The following BTBD7 variants were observed in gnomAD, a reference collection of about 807,000 sequenced individuals.
The protein encoded by BTBD7 is BTB domain containing 7.
Under a neutral mutation model 99.9 loss-of-function variants are expected in BTBD7, and 38 were observed. The observed-to-expected ratio is 0.38, with a 90% CI of 0.29 to 0.50. The LOEUF is 0.50. Among genes scored for constraint, BTBD7 ranks in the 20% least tolerant of loss-of-function variants. The pLI, the probability that BTBD7 is intolerant of heterozygous loss-of-function variation, is 0.93. For missense variants in BTBD7, 1,170 were observed against 1,394.6 expected (o/e 0.84, Z 2.57); for synonymous variants, 520 against 511.4 (o/e 1.02, Z -0.23).
chr14:93,283,165 C>T (rs1054141692), intron 3 of BTBD7, among the ~76,000 whole-genome samples: 1 of 152,182 alleles, frequency 6.6e-6, no homozygotes, highest in African/African-American at 2.4e-5. Context: ...GAAACCTCTG[C>T]CTCCTGGGCT....
intron 1 of BTBD7, among the ~76,000 whole-genome samples, chr14:93,332,616 C>G (rs2053457477): frequency 6.6e-6 from 1 of 151,678 alleles, no homozygotes; most frequent in Non-Finnish European, 1.5e-5. Context: ...CGCACAGAGA[C>G]CGGCCAGTCC....
At chr14:93,272,526 C>T (rs2052611494) in intron 3 of BTBD7, among the ~76,000 whole-genome samples, 2 of 152,334 alleles carry the variant, frequency 1.3e-5, no homozygotes, top group East Asian at 3.9e-4. Flanking sequence ...TAGAATACCA[C>T]CTTAGTTCAA....
At chr14:93,329,783 T>C (rs566165651) in intron 1 of BTBD7, among the ~76,000 whole-genome samples, 19 of 152,246 alleles carry the variant, frequency 1.2e-4, no homozygotes, top group African/African-American at 4.6e-4. Flanking sequence ...TGCCAGGGGC[T>C]GGGGGTAAGG....
At position 93,284,278 on chromosome 14, in the gene BTBD7, G is replaced by C. The variant is rs891619036; in HGVS notation, c.1162+9580C>G. 1.4e-3 allele frequency among the ~76,000 whole-genome samples: 217 copies of C among 152,210 alleles called. 1 individual carries two copies. Among genetic ancestry groups the C allele is most frequent in the African/African-American group, 4.9e-3 (205 of 41,526 alleles). ...AGTAAACAGTGAGTTGATGAGACAG[G>C]TTTTCTGACATTAAACTGTGAATTA... On this transcript the variant is annotated intron_variant, in intron 3 of 10. Transcript: ENST00000334746.
intron 1 of BTBD7, 88 bp from the exon 2 acceptor site, chr14:93,296,245 T>C (rs983991944): frequency 3.1e-6 from 3 of 968,752 alleles, no homozygotes; most frequent in Non-Finnish European, 4.1e-6. Context: ...AAAACTGCTT[T>C]CATTCACAAA....
intron 1 of BTBD7, among the ~76,000 whole-genome samples, chr14:93,299,793 A>G (rs2052971466): frequency 6.6e-6 from 1 of 152,192 alleles, no homozygotes; most frequent in South Asian, 2.1e-4. Context: ...AGAAAGCCCT[A>G]GGCCAGCATT....
intron 1 of BTBD7, among the ~76,000 whole-genome samples, chr14:93,324,660 T>C (rs1316195695): frequency 6.6e-6 from 1 of 152,192 alleles, no homozygotes. Context: ...AGGGGCCTTG[T>C]GTTCCCTTGT....
Position 93,294,631 on chromosome 14 carries a change from T to C in BTBD7, c.389A>G (p.Lys130Arg), listed in dbSNP as rs1371848153. The change falls in exon 3 of 11, where the codon AAA becomes AGA. Residue 130 changes from lysine (K) to arginine (R), a missense_variant. Transcript: ENST00000334746. ...GTACTCATAAAGATCAGCCATATCT[T>C]TCTGCAATGTCCGGGCTTCTGGTCT... ...LARPEARTLQKDMADLYEYKY... is the reference protein window; with the variant it reads ...LARPEARTLQRDMADLYEYKY... 4 of 1,614,144 alleles carry C rather than the reference T, an allele frequency of 2.5e-6. No homozygotes were observed. The Admixed American group carries it at 6.7e-5, about 27-fold the overall frequency.
chr14:93,328,611 TAAAA>T (rs57161505), intron 1 of BTBD7, among the ~76,000 whole-genome samples: 1,311 of 101,786 alleles, frequency 0.013, 22 homozygotes, highest in African/African-American at 0.041. Flanking sequence ...TAAAATTCTT[TAAAA>T]AAAAAAAAAA....
chr14:93,329,139 G>T (rs2053368682), intron 1 of BTBD7, among the ~76,000 whole-genome samples: 1 of 151,974 alleles, frequency 6.6e-6, no homozygotes, highest in African/African-American at 2.4e-5. Context: ...TCTGATAAGG[G>T]ATTGATATTC....
chr14:93,299,227 T>C (rs2052964564), intron 1 of BTBD7, among the ~76,000 whole-genome samples: 1 of 152,212 alleles, frequency 6.6e-6, no homozygotes, highest in South Asian at 2.1e-4. Flanking sequence ...GCAATATTTC[T>C]TCTCAAAATC....
intron 3 of BTBD7, among the ~76,000 whole-genome samples, chr14:93,278,920 A>G (rs1252637125): frequency 1.3e-5 from 2 of 152,228 alleles, no homozygotes; most frequent in Non-Finnish European, 2.9e-5. Flanking sequence ...CAACGTGAGT[A>G]AAGTGCTTGA....
rs2052893846 is a variant in BTBD7, at chr14:93,294,179, T to A, written c.841A>T (p.Ile281Phe). The change falls in exon 3 of 11, where the codon ATT (isoleucine) becomes TTT (phenylalanine). Residue 281 changes from isoleucine (I) to phenylalanine (F), a missense_variant. Around this residue, in one of 4 missense-constraint regions of BTBD7, gnomAD observed 359 missense variants for 497.9 expected, o/e 0.72. Coordinates refer to ENST00000334746, the MANE Select transcript of BTBD7 (RefSeq NM_001002860.4). ...DEELKAHKAV[I>F]SARSPFFRNL... The stretch of plus-strand genomic sequence containing the variant: ...CGAAAAAATGGGGACCGTGCAGAAA[T>A]AACAGCCTTGTGGGCTTTGAGCTCT... 1 of 1,614,166 alleles carries A rather than the reference T, an allele frequency of 6.2e-7. No homozygotes were observed. The highest frequency in any genetic ancestry group is 2.2e-5 in the East Asian group (1 of 44,888).
intron 1 of BTBD7, among the ~76,000 whole-genome samples, chr14:93,314,710 G>A (rs551298893): frequency 6.6e-6 from 1 of 152,124 alleles, no homozygotes; most frequent in Non-Finnish European, 1.5e-5. Context: ...GGATATACAT[G>A]TTTCTAATTT....
In BTBD7 at chr14:93,242,513, A is replaced by G. The variant is rs1294039475; in HGVS notation, c.3159T>C (p.His1053=). 2.5e-6 allele frequency: 4 copies of G among 1,614,244 alleles called. No individual in the cohort carries two copies. The highest frequency in any genetic ancestry group is 3.4e-6 in the Non-Finnish European group (4 of 1,180,044). ...APENASTGPA[H]VRGRTAVETD... ...TTTCTACTGCAGTTCGTCCCCTGAC[A>G]TGGGCTGGACCGGTACTAGCATTTT... The change falls in exon 11 of 11, where the codon CAT becomes CAC. Residue 1053 remains histidine (H), a synonymous_variant. Coordinates refer to ENST00000334746, the MANE Select transcript of BTBD7 (RefSeq NM_001002860.4).
At chr14:93,275,596 G>A (rs1053733873) in intron 3 of BTBD7, among the ~76,000 whole-genome samples, 5 of 152,126 alleles carry the variant, frequency 3.3e-5, no homozygotes, top group East Asian at 1.9e-4. Flanking sequence ...ATCATTGTGC[G>A]AACATCAGAG....
intron 3 of BTBD7, among the ~76,000 whole-genome samples, chr14:93,272,115 G>A (rs1212773966): frequency 6.6e-6 from 1 of 152,124 alleles, no homozygotes; most frequent in Non-Finnish European, 1.5e-5. Context: ...TCAGGAGTTT[G>A]AGACCAGCCT....
chr14:93,247,057 C>T (rs1298731464), intron 9 of BTBD7, among the ~76,000 whole-genome samples: 3 of 152,130 alleles, frequency 2.0e-5, no homozygotes, highest in South Asian at 2.1e-4. Flanking sequence ...GACAGGGTCT[C>T]ATTCTGTCAC....
At chr14:93,273,533 C>A (rs1243418399) in intron 3 of BTBD7, among the ~76,000 whole-genome samples, 4 of 152,182 alleles carry the variant, frequency 2.6e-5, no homozygotes, top group African/African-American at 9.7e-5. Context: ...ATGATAAAAT[C>A]TGGGTCCTGG....
Sources: gnomAD v4.1 joint callset for allele counts (sites outside exome capture counted in the v4.1 genomes callset) on GRCh38, gnomAD v4.1.1 for gene constraint, gnomAD v4.1.1 regional missense constraint, MANE v1.5 for transcripts, NCBI Gene and HGNC (gene_info 2026-07-23, HGNC 2026-07-21) for gene names.